The following PIK3C2G variants were observed in gnomAD, a reference collection of about 807,000 sequenced individuals.
PIK3C2G encodes phosphatidylinositol 3-kinase C2 domain-containing subunit gamma.
A neutral mutation model predicts 181.1 loss-of-function variants in PIK3C2G; 168 were observed. The ratio of observed to expected loss-of-function variants is 0.93; its 90% confidence interval spans 0.82 to 1.05. The LOEUF (loss-of-function observed/expected upper bound fraction) is 1.05. PIK3C2G is among the 50% of genes least tolerant of loss of function. The pLI is 0.00. For missense variants in PIK3C2G, 1,869 were observed against 1,732.8 expected, an observed-to-expected ratio of 1.08 and a Z score of -1.40; for synonymous variants, 573 against 592.2, an observed-to-expected ratio of 0.97 and a Z score of 0.47.
chr12:18,537,853 A>G lies in PIK3C2G; in HGVS notation c.3324-303A>G, dbSNP rs543087838. ...TCTATAAATATCAGCTTCACTATGA[A>G]TTGGCCTTTATGTTACTTTTAATGA... On this transcript the variant is annotated intron_variant, in intron 24 of 32. Coordinates refer to ENST00000538779, the MANE Select transcript of PIK3C2G (RefSeq NM_001288772.2). Among the ~76,000 whole-genome samples, 28 of 152,114 alleles carry G rather than the reference A, an allele frequency of 1.8e-4. No individual in the cohort carries two copies. In the South Asian group the frequency reaches 5.0e-3, roughly 27 times the overall value.
chr12:18,508,236 T>C (rs10770365), intron 24 of PIK3C2G, among the ~76,000 whole-genome samples: 94,335 of 152,058 alleles, frequency 0.62, 29,755 homozygotes, highest in East Asian at 0.93. Flanking sequence ...TAAGGCTCAT[T>C]GGCAGTGTCT....
intron 18 of PIK3C2G, among the ~76,000 whole-genome samples, chr12:18,477,923 A>G (rs1939166378): frequency 6.6e-6 from 1 of 152,192 alleles, no homozygotes; most frequent in South Asian, 2.1e-4. Flanking sequence ...ATGATTATCC[A>G]GCTTTCACCA....
intron 14 of PIK3C2G, among the ~76,000 whole-genome samples, chr12:18,385,158 C>T (rs1943082579): frequency 1.3e-5 from 2 of 152,098 alleles, no homozygotes; most frequent in Non-Finnish European, 2.9e-5. Context: ...GAACAAGTCA[C>T]CTAACCTATT....
At chr12:18,670,527 T>C in the PIK3C2G span, among the ~76,000 whole-genome samples, 60 of 152,332 alleles carry the variant, frequency 3.9e-4, 1 homozygote, top group African/African-American at 1.4e-3. Flanking sequence ...TTTAATCTTA[T>C]TGTCTTCATC....
chr12:18,701,691 C>T, the PIK3C2G span: 3 of 1,609,912 alleles, frequency 1.9e-6, no homozygotes, highest in East Asian at 6.8e-5. Flanking sequence ...CTCCACCTTA[C>T]CACGCTTATC....
At chr12:18,505,601 T>A in intron 24 of PIK3C2G, 140 bp downstream of exon 24, 1 of 521,802 alleles carries the variant, frequency 1.9e-6, no homozygotes, top group Non-Finnish European at 3.1e-6. Context: ...ATAATATATC[T>A]AATAAGATTG....
At chr12:18,519,166 T>G (rs1200465893) in intron 24 of PIK3C2G, among the ~76,000 whole-genome samples, 1 of 152,230 alleles carries the variant, frequency 6.6e-6, no homozygotes, top group Admixed American at 6.5e-5. Flanking sequence ...TGGTCAATTT[T>G]ATAAGTAAGT....
chr12:18,487,046 T>C (rs1246027393), intron 18 of PIK3C2G, among the ~76,000 whole-genome samples: 1 of 151,738 alleles, frequency 6.6e-6, no homozygotes, highest in Non-Finnish European at 1.5e-5. Context: ...GAACCAAGTA[T>C]CAATAGAGAA....
intron 8 of PIK3C2G, among the ~76,000 whole-genome samples, chr12:18,333,460 C>T (rs938693792): frequency 3.3e-5 from 5 of 152,010 alleles, no homozygotes; most frequent in African/African-American, 1.2e-4. Context: ...CCGACAGGCC[C>T]GGTGTGTGAT....
chr12:18,715,400 T>G, the PIK3C2G span, among the ~76,000 whole-genome samples: 20 of 143,894 alleles, frequency 1.4e-4, no homozygotes, highest in African/African-American at 2.9e-4. Context: ...GGGTGTTTGG[T>G]TTTTTTTTTG....
intron 31 of PIK3C2G, among the ~76,000 whole-genome samples, chr12:18,638,318 G>T (rs1342136046): frequency 6.6e-6 from 1 of 152,196 alleles, no homozygotes; most frequent in Non-Finnish European, 1.5e-5. Flanking sequence ...CCTCTCAGAG[G>T]TTGGAGGTGA....
chr12:18,342,486 A>C (rs945801347), intron 9 of PIK3C2G, among the ~76,000 whole-genome samples: 4 of 152,002 alleles, frequency 2.6e-5, no homozygotes, highest in African/African-American at 9.7e-5. Flanking sequence ...CAAGACTTGA[A>C]ATTTTATTTT....
At chr12:18,532,239 T>A (rs1272503807) in intron 24 of PIK3C2G, among the ~76,000 whole-genome samples, 1 of 152,180 alleles carries the variant, frequency 6.6e-6, no homozygotes, top group African/African-American at 2.4e-5. Context: ...TTGATTTTTA[T>A]GGTTAAATTT....
chr12:18,382,263 C>G (rs986640997), intron 14 of PIK3C2G, among the ~76,000 whole-genome samples: 6 of 152,104 alleles, frequency 3.9e-5, no homozygotes, highest in African/African-American at 1.4e-4. Context: ...TCTTTAAAAT[C>G]TCTTCTGTTA....
At chr12:18,458,480 G>A (rs1178681504) in intron 18 of PIK3C2G, among the ~76,000 whole-genome samples, 2 of 152,048 alleles carry the variant, frequency 1.3e-5, no homozygotes, top group African/African-American at 4.8e-5. Flanking sequence ...ATAATTCAGT[G>A]TCCTAAATGC....
intron 15 of PIK3C2G, among the ~76,000 whole-genome samples, chr12:18,398,798 TA>T (rs1386756901): frequency 1.7e-4 from 26 of 152,352 alleles, no homozygotes; most frequent in African/African-American, 5.5e-4. Flanking sequence ...TTTAAAGACA[TA>T]ATCCAGGGAT....
chr12:18,488,459 A>C lies in PIK3C2G; in HGVS notation c.2515A>C (p.Asn839His). 1 of 1,512,556 alleles carries C rather than the reference A, an allele frequency of 6.6e-7. No individual in the cohort carries two copies. Among genetic ancestry groups the C allele is most frequent in the Non-Finnish European group, 8.8e-7 (1 of 1,131,268 alleles). 93.7% of individuals were successfully genotyped at this position (1,512,556 alleles called of 1,614,324 possible). ...CTCTCTTTCCTTCAGGCTGCTAAAA[A>C]ATGCAGAAAATGAAGCTTATTTTAA... ...VAHRLYWLLK[N>H]AENEAYFKSW... Residue 839 changes from asparagine (N) to histidine (H), a missense_variant, in exon 19 of 33, where the codon AAT becomes CAT. Transcript: ENST00000538779.
intron 8 of PIK3C2G, among the ~76,000 whole-genome samples, chr12:18,328,868 C>A (rs1024921192): frequency 2.0e-5 from 3 of 151,560 alleles, no homozygotes; most frequent in South Asian, 4.2e-4. Context: ...GATTTGCATT[C>A]AGAATAGAAC....
At chr12:18,249,723 T>G (rs1225469188) in intron 1 of PIK3C2G, among the ~76,000 whole-genome samples, 2 of 152,130 alleles carry the variant, frequency 1.3e-5, no homozygotes, top group East Asian at 3.9e-4. Context: ...CATAGTCATT[T>G]AGCAACCAGG....
Sources: allele counts gnomAD v4.1 joint callset (sites outside exome capture counted in the v4.1 genomes callset), GRCh38; gene constraint gnomAD v4.1.1; transcripts MANE v1.5; gene names NCBI Gene and HGNC (gene_info 2026-07-23, HGNC 2026-07-21).